Variants in TENM2 observed in about 807,000 individuals in gnomAD.
The protein encoded by TENM2 is teneurin-2.
TENM2 carries 52 observed loss-of-function variants against 245.2 expected under a neutral mutation model. That is an observed-to-expected ratio of 0.21 (90% CI 0.17 to 0.27). The LOEUF is 0.27. Ranked by LOEUF, TENM2 falls within the 10% of genes least tolerant of loss-of-function variation. The pLI, the probability that TENM2 is intolerant of heterozygous loss-of-function variation, is 1.00. For missense variants in TENM2, 3,046 were observed against 3,666.8 expected (o/e 0.83, Z 4.37); for synonymous variants, 1,363 against 1,438.9 (o/e 0.95, Z 1.19).
rs1459749671 is a variant in TENM2 at position 168,244,786 on chromosome 5, T to C, written c.5817+70T>C. 4.6e-6 allele frequency: 6 copies of C among 1,296,288 alleles called. No homozygotes were observed. In the Admixed American group the frequency reaches 1.3e-4, roughly 29 times the overall value. The allele number at this position is 1,296,288 out of a possible 1,614,324, so 80.3% of individuals were successfully genotyped here. A position where few individuals can be genotyped will look rare whatever the true frequency, so the allele number is the denominator to read the frequency against. On this transcript the variant is annotated intron_variant, in intron 26 of 28. Transcript: ENST00000518659. This position sits in a 1 kb window ranked among gnomAD's most constrained non-coding sequence, Gnocchi z 4.9. ...CTGTTATTCCGGCTTCTTTTTTTTTTTGAGACAGAGACTTGCTCTGTTGCC... is the reference window on the plus strand; with the variant it reads ...CTGTTATTCCGGCTTCTTTTTTTTTCTGAGACAGAGACTTGCTCTGTTGCC...
At chr5:168,235,535 GC>G (rs138735174) in intron 25 of TENM2, among the ~76,000 whole-genome samples, 2,732 of 152,290 alleles carry the variant, frequency 0.018, 74 homozygotes, top group African/African-American at 0.062. Flanking sequence ...GAAATTGTGG[GC>G]TGGGCACAGC....
intron 2 of TENM2, among the ~76,000 whole-genome samples, chr5:167,821,645 C>A (rs1162453728): frequency 6.6e-6 from 1 of 152,060 alleles, no homozygotes; most frequent in Non-Finnish European, 1.5e-5. Flanking sequence ...TTGTTGTTTT[C>A]TTCTTTCTCC....
At chr5:167,123,634 G>A in the TENM2 span, among the ~76,000 whole-genome samples, 9 of 152,188 alleles carry the variant, frequency 5.9e-5, no homozygotes, top group Admixed American at 2.6e-4. Context: ...CACTCTAAAG[G>A]GATGCCTCAT....
chr5:167,809,711 TGAGTG>T (rs1270469194), intron 2 of TENM2, among the ~76,000 whole-genome samples: 1 of 152,116 alleles, frequency 6.6e-6, no homozygotes, highest in Non-Finnish European at 1.5e-5. Flanking sequence ...AATATGTCCT[TGAGTG>T]GAGGCAAAGT....
intron 4 of TENM2, among the ~76,000 whole-genome samples, chr5:167,991,689 C>A (rs1160529698): frequency 6.6e-6 from 1 of 152,158 alleles, no homozygotes; most frequent in Non-Finnish European, 1.5e-5. Flanking sequence ...AACACGGACA[C>A]CTTATTCAAT....
intron 2 of TENM2, among the ~76,000 whole-genome samples, chr5:167,616,452 A>G (rs1280266250): frequency 6.6e-6 from 1 of 152,092 alleles, no homozygotes; most frequent in Non-Finnish European, 1.5e-5. Context: ...AAGGAGCCAA[A>G]TCTATTATTA....
At chr5:167,183,231 G>A in the TENM2 span, among the ~76,000 whole-genome samples, 1 of 152,166 alleles carries the variant, frequency 6.6e-6, no homozygotes, top group Admixed American at 6.5e-5. Context: ...GTTTGATGAT[G>A]TATTCCGCTT....
At chr5:167,812,899 G>C (rs1766746079) in intron 2 of TENM2, among the ~76,000 whole-genome samples, 1 of 152,178 alleles carries the variant, frequency 6.6e-6, no homozygotes, top group Non-Finnish European at 1.5e-5. Context: ...ACACAGACTG[G>C]TGACCGCATC....
chr5:168,161,128 G>T (rs970673762), intron 12 of TENM2, among the ~76,000 whole-genome samples: 1 of 152,164 alleles, frequency 6.6e-6, no homozygotes, highest in Admixed American at 6.5e-5. Flanking sequence ...GAAGGCCTCT[G>T]GAACACCGGA....
At chr5:167,238,775 G>A in the TENM2 span, among the ~76,000 whole-genome samples, 5 of 151,516 alleles carry the variant, frequency 3.3e-5, no homozygotes, top group East Asian at 1.9e-4. Context: ...TCAGAAGCCT[G>A]TAAAGAGTAA....
the TENM2 span, among the ~76,000 whole-genome samples, chr5:167,196,906 C>G: frequency 6.6e-6 from 1 of 151,846 alleles, no homozygotes; most frequent in Non-Finnish European, 1.5e-5. Context: ...TTTCCTGGAA[C>G]TAATCTCCAG....
intron 1 of TENM2, among the ~76,000 whole-genome samples, chr5:167,294,715 T>C (rs1246043121): frequency 6.6e-6 from 1 of 152,162 alleles, no homozygotes; most frequent in Non-Finnish European, 1.5e-5. Flanking sequence ...TTTAGAATTT[T>C]GAATCAAGTG....
intron 7 of TENM2, among the ~76,000 whole-genome samples, chr5:168,084,283 A>T (rs1306454477): frequency 6.6e-6 from 1 of 152,208 alleles, no homozygotes; most frequent in Non-Finnish European, 1.5e-5. Flanking sequence ...CAGTAACAGG[A>T]TTACTGAGTT....
At chr5:167,570,792 T>C (rs1774218394) in intron 2 of TENM2, among the ~76,000 whole-genome samples, 1 of 152,216 alleles carries the variant, frequency 6.6e-6, no homozygotes, top group Non-Finnish European at 1.5e-5. Context: ...CTGAAAACAG[T>C]AACTTTAAGA....
chr5:168,063,104 C>G (rs1460785480), intron 7 of TENM2, among the ~76,000 whole-genome samples: 1 of 152,200 alleles, frequency 6.6e-6, no homozygotes, highest in Non-Finnish European at 1.5e-5. Context: ...TCACTGGGTA[C>G]TTTCTGTTCA....
chr5:167,633,329 G>T (rs890127981), intron 2 of TENM2, among the ~76,000 whole-genome samples: 1 of 152,032 alleles, frequency 6.6e-6, no homozygotes, highest in Non-Finnish European at 1.5e-5. Context: ...GTCAACACTT[G>T]CAAGTTCAAA....
At chr5:168,140,484 C>A (rs1157186562) in intron 12 of TENM2, among the ~76,000 whole-genome samples, 1 of 152,118 alleles carries the variant, frequency 6.6e-6, no homozygotes, top group African/African-American at 2.4e-5. Flanking sequence ...ACAACAAATA[C>A]CAGCAAACCA....
chr5:167,715,139 T>G (rs1388925002), intron 2 of TENM2, among the ~76,000 whole-genome samples: 2 of 151,968 alleles, frequency 1.3e-5, no homozygotes, highest in African/African-American at 2.4e-5. Flanking sequence ...GATAAATTAG[T>G]ATTATGGCTT....
chr5:167,338,827 T>C (rs1757928528), intron 1 of TENM2, among the ~76,000 whole-genome samples: 1 of 152,220 alleles, frequency 6.6e-6, no homozygotes, highest in African/African-American at 2.4e-5. Flanking sequence ...TCTTCCTGGC[T>C]TGCAGATGGC....
Sources: allele counts gnomAD v4.1 joint callset (sites outside exome capture counted in the v4.1 genomes callset), GRCh38; gene constraint gnomAD v4.1.1; non-coding constraint Gnocchi (gnomAD v3.1); transcripts MANE v1.5; gene names NCBI Gene and HGNC (gene_info 2026-07-23, HGNC 2026-07-21).